The following CLSTN2 variants were observed in gnomAD, a reference collection of about 807,000 sequenced individuals.
CLSTN2 encodes calsyntenin 2.
CLSTN2 carries 48 observed loss-of-function variants against 101.2 expected under a neutral mutation model. That is an observed-to-expected ratio of 0.47 (90% CI 0.38 to 0.60). CLSTN2 has a LOEUF of 0.60. CLSTN2 is among the 20% of genes least tolerant of loss of function. CLSTN2 has a pLI of 0.00. For missense variants in CLSTN2, 1,160 were observed against 1,238.2 expected, an observed-to-expected ratio of 0.94 and a Z score of 0.95; for synonymous variants, 481 against 463.6, an observed-to-expected ratio of 1.04 and a Z score of -0.48.
intron 16 of CLSTN2, among the ~76,000 whole-genome samples, chr3:140,565,173 C>T (rs139859115): frequency 1.3e-5 from 2 of 152,272 alleles, no homozygotes; most frequent in Non-Finnish European, 2.9e-5. Flanking sequence ...CAAGGGCCAA[C>T]CTTGTGATGT....
chr3:140,175,178 G>C (rs2010304563), intron 1 of CLSTN2, among the ~76,000 whole-genome samples: 1 of 152,092 alleles, frequency 6.6e-6, no homozygotes, highest in African/African-American at 2.4e-5. Context: ...TTCACATACT[G>C]AGATTCTAAG....
At chr3:140,160,387 C>G (rs2010026357) in intron 1 of CLSTN2, among the ~76,000 whole-genome samples, 1 of 152,048 alleles carries the variant, frequency 6.6e-6, no homozygotes, top group African/African-American at 2.4e-5. Flanking sequence ...TCTCCCAACC[C>G]TAAATGAGTT....
chr3:139,935,441 G>T lies in CLSTN2; in HGVS notation c.67G>T (p.Gly23Cys). Reference protein sequence around the residue: ...LALGVGSGSGGGGDSRQRRLL... With the variant: ...LALGVGSGSGCGGDSRQRRLL... ...GCTGGGCGTGGGGAGCGGCAGCGGCGGTGGCGGGGACAGCCGGCAGCGCCG... is the reference window on the plus strand; with the variant it reads ...GCTGGGCGTGGGGAGCGGCAGCGGCTGTGGCGGGGACAGCCGGCAGCGCCG... Residue 23 changes from glycine to cysteine, a missense_variant, in exon 1 of 17, where the codon GGT becomes TGT. Transcript: ENST00000458420. The surrounding 1 kb of genome is among the most constrained non-coding windows in gnomAD (Gnocchi z 5.5). 8.1e-7 allele frequency: 1 copy of T among 1,231,738 alleles called. No homozygotes were observed. The highest frequency in any genetic ancestry group is 1.0e-6 in the Non-Finnish European group (1 of 987,538). The allele number at this position is 1,231,738 out of a possible 1,614,324, so 76.3% of individuals were successfully genotyped here. A position where few individuals can be genotyped will look rare whatever the true frequency, so the allele number is the denominator to read the frequency against.
chr3:140,234,135 C>T (rs2086395394), intron 2 of CLSTN2, among the ~76,000 whole-genome samples: 1 of 152,198 alleles, frequency 6.6e-6, no homozygotes, highest in African/African-American at 2.4e-5. Context: ...CAAGGCATAA[C>T]CCGAGAAAGG....
intron 16 of CLSTN2, 71 bp downstream of exon 16, chr3:140,564,216 G>A (rs1935988231): frequency 8.6e-6 from 12 of 1,402,318 alleles, no homozygotes; most frequent in Non-Finnish European, 1.2e-5. Flanking sequence ...CCCTTCCTAT[G>A]CCTAAAGCAG....
At chr3:140,517,109 C>T (rs1279498569) in intron 8 of CLSTN2, among the ~76,000 whole-genome samples, 1 of 152,148 alleles carries the variant, frequency 6.6e-6, no homozygotes, top group Non-Finnish European at 1.5e-5. Flanking sequence ...TCTACTTGTT[C>T]CATTCTACTG....
intron 5 of CLSTN2, among the ~76,000 whole-genome samples, chr3:140,431,846 C>T (rs1559868009): frequency 6.6e-6 from 1 of 152,116 alleles, no homozygotes; most frequent in Admixed American, 6.5e-5. Context: ...AGCTTTGGTT[C>T]CCTAACTGTA....
rs532029199 is a variant in CLSTN2, at chr3:140,027,722, C to T, written c.109+92239C>T. ...TTAAGCCTTCAGACCCCAGTGTCAT[C>T]CACAGTAAAGGAAGCCGCCACAGCT... On this transcript the variant is annotated intron_variant, in intron 1 of 16. Transcript: ENST00000458420. Among the ~76,000 whole-genome samples the T allele has an allele frequency of 3.9e-5, 6 of 152,286 alleles. No individual in the cohort carries two copies. The East Asian group carries it at 1.2e-3, about 29-fold the overall frequency.
chr3:139,936,802 A>T (rs974727088), intron 1 of CLSTN2, among the ~76,000 whole-genome samples: 7 of 152,104 alleles, frequency 4.6e-5, no homozygotes, highest in Non-Finnish European at 7.4e-5. Flanking sequence ...TAATTTTTAA[A>T]TTTTTTGGTG....
At chr3:140,028,068 T>C (rs749057241) in intron 1 of CLSTN2, among the ~76,000 whole-genome samples, 3 of 152,164 alleles carry the variant, frequency 2.0e-5, no homozygotes, top group Admixed American at 2.0e-4. Context: ...TCAGAGCAGG[T>C]CAGGGAAAAG....
chr3:140,121,552 A>T (rs1050119922), intron 1 of CLSTN2, among the ~76,000 whole-genome samples: 7 of 152,170 alleles, frequency 4.6e-5, no homozygotes, highest in African/African-American at 1.7e-4. Flanking sequence ...GATGCAGAGA[A>T]AAGGGAAGCC....
In CLSTN2 at chr3:140,567,425, C is replaced by G. The variant is rs1054614099; in HGVS notation, c.*1172C>G. On this transcript the variant is annotated 3_prime_UTR_variant, in exon 17 of 17. Coordinates refer to ENST00000458420, the MANE Select transcript of CLSTN2 (RefSeq NM_022131.3). Reference sequence around the variant, plus strand: ...ATATTTGCAATCATTGCAGCTTCTTCTTTCTTCTGCTCATAAAAGGAGGAA... The same window carrying G: ...ATATTTGCAATCATTGCAGCTTCTTGTTTCTTCTGCTCATAAAAGGAGGAA... 1.3e-5 allele frequency: 2 copies of G among 152,240 alleles called. No individual in the cohort carries two copies. The highest frequency in any genetic ancestry group is 4.8e-5 in the African/African-American group (2 of 41,464). The allele number at this position is 152,240 out of a possible 1,614,324, so 9.4% of individuals were successfully genotyped here. A position where few individuals can be genotyped will look rare whatever the true frequency, so the allele number is the denominator to read the frequency against.
At chr3:140,038,164 CA>C (rs1344955418) in intron 1 of CLSTN2, among the ~76,000 whole-genome samples, 1 of 152,204 alleles carries the variant, frequency 6.6e-6, no homozygotes, top group Non-Finnish European at 1.5e-5. Flanking sequence ...CTCCCACCAA[CA>C]GTGTAAAAGC....
chr3:140,259,226 C>T (rs557468696), intron 2 of CLSTN2, among the ~76,000 whole-genome samples: 1 of 150,808 alleles, frequency 6.6e-6, no homozygotes, highest in Non-Finnish European at 1.5e-5. Flanking sequence ...TAATCCTAAG[C>T]ACTCTGGGAG....
intron 1 of CLSTN2, among the ~76,000 whole-genome samples, chr3:140,055,663 T>G (rs555337562): frequency 6.6e-5 from 10 of 152,332 alleles, no homozygotes; most frequent in Admixed American, 6.5e-4. Context: ...AGGTGCTCAG[T>G]AAATGTTTCC....
chr3:140,337,550 G>C (rs2087455444), intron 2 of CLSTN2, among the ~76,000 whole-genome samples: 1 of 152,170 alleles, frequency 6.6e-6, no homozygotes, highest in Non-Finnish European at 1.5e-5. Context: ...CAGGTACCAG[G>C]GAGTTAGGAT....
At position 140,532,315 on chromosome 3, in the gene CLSTN2, T is replaced by G; in HGVS notation, c.1345-9T>G. 6.3e-7 allele frequency: 1 copy of G among 1,588,094 alleles called. No individual in the cohort carries two copies. On this transcript the variant is annotated splice_polypyrimidine_tract_variant and intron_variant, in intron 8 of 16. Coordinates refer to ENST00000458420, the MANE Select transcript of CLSTN2 (RefSeq NM_022131.3). ...AATTTTAAATGTTGCTTCTCTTTCC[T>G]TTTCTTAGATTTGTGACAAAGAGTG...
intron 9 of CLSTN2, among the ~76,000 whole-genome samples, chr3:140,543,112 G>GT (rs1257218521): frequency 6.6e-6 from 1 of 152,212 alleles, no homozygotes; most frequent in Non-Finnish European, 1.5e-5. Context: ...ATCACATGGT[G>GT]TTGGGTACAT....
intron 2 of CLSTN2, among the ~76,000 whole-genome samples, chr3:140,265,393 T>C (rs542711764): frequency 5.4e-4 from 82 of 152,200 alleles, no homozygotes; most frequent in Non-Finnish European, 1.0e-3. Flanking sequence ...AGGCATGACC[T>C]AACGACCTCT....
Sources: allele counts gnomAD v4.1 joint callset (sites outside exome capture counted in the v4.1 genomes callset), GRCh38; gene constraint gnomAD v4.1.1; non-coding constraint Gnocchi (gnomAD v3.1); transcripts MANE v1.5; gene names NCBI Gene and HGNC (gene_info 2026-07-23, HGNC 2026-07-21).